The following SLC16A7 variants were observed in gnomAD, a reference collection of about 807,000 sequenced individuals.
SLC16A7 encodes the protein solute carrier family 16 member 7.
Under a neutral mutation model 34.9 loss-of-function variants are expected in SLC16A7, and 33 were observed. The ratio of observed to expected loss-of-function variants is 0.94; its 90% CI spans 0.72 to 1.26. SLC16A7 has a LOEUF of 1.26. Ranked by LOEUF, SLC16A7 falls within the 50% of genes most tolerant of loss-of-function variation. SLC16A7 has a pLI of 0.00. For missense variants in SLC16A7, 573 were observed against 578.1 expected (o/e 0.99, Z 0.09); for synonymous variants, 201 against 206.6 (o/e 0.97, Z 0.23).
intron 3 of SLC16A7, among the ~76,000 whole-genome samples, chr12:59,747,637 C>T (rs1223897442): frequency 2.0e-5 from 3 of 152,142 alleles, no homozygotes; most frequent in Non-Finnish European, 4.4e-5. Flanking sequence ...CTTTTTAAAG[C>T]AAACAATACT....
Position 59,690,258 on chromosome 12 carries a change from G to A in SLC16A7, c.-30-14514G>A, listed in dbSNP as rs140229212. Among the ~76,000 whole-genome samples, 208 of 151,990 alleles carry A rather than the reference G, an allele frequency of 1.4e-3. 1 individual carries two copies. Among genetic ancestry groups the A allele is most frequent in the Middle Eastern group, 6.8e-3 (2 of 294 alleles). ...CATGAAAATCATATTTAAAAGTTTG[G>A]GCTGACTCTCCTTTTCAGGAGGGGA... On this transcript the variant is annotated intron_variant, in intron 2 of 5. Coordinates refer to ENST00000547379, the MANE Select transcript of SLC16A7 (RefSeq NM_001270623.2).
intron 3 of SLC16A7, among the ~76,000 whole-genome samples, chr12:59,752,260 A>T (rs1026989170): frequency 6.6e-6 from 1 of 152,224 alleles, no homozygotes; most frequent in African/African-American, 2.4e-5. Context: ...ACGGAGAATG[A>T]CTTTGACGAG....
At position 59,770,705 on chromosome 12, in the gene SLC16A7, G is replaced by T. The variant is rs1882137643; in HGVS notation, c.218-514G>T. On this transcript the variant is annotated intron_variant, in intron 3 of 5. Transcript: ENST00000547379. Reference sequence around the variant, plus strand: ...ATATGATAGGATGTGAAAACAATAGGTGTCTTAGAATCAATAAATTATAGT... The same window carrying T: ...ATATGATAGGATGTGAAAACAATAGTTGTCTTAGAATCAATAAATTATAGT... Among the ~76,000 whole-genome samples the T allele has an allele frequency of 2.0e-5, 3 of 152,116 alleles. No individual in the cohort carries two copies. In the South Asian group the frequency reaches 6.2e-4, roughly 32 times the overall value.
At position 59,659,886 on chromosome 12, in the gene SLC16A7, C is replaced by G. The variant is rs77639064; in HGVS notation, c.-31+4636C>G. On this transcript the variant is annotated intron_variant, in intron 2 of 5. Transcript: ENST00000547379. ...TTCAGCAATCAGATGTGGAATGGAT[C>G]GAAGTGTTATTTTAACAGCAGTGTC... is the stretch of plus-strand genomic sequence containing the variant. Among the ~76,000 whole-genome samples the G allele has an allele frequency of 8.3e-3, 1,259 of 152,062 alleles. 15 individuals carry two copies. The highest frequency in any genetic ancestry group is 0.029 in the African/African-American group (1,211 of 41,500).
At chr12:59,656,714 T>G in intron 2 of SLC16A7, among the ~76,000 whole-genome samples, 1 of 151,956 alleles carries the variant, frequency 6.6e-6, no homozygotes, top group East Asian at 1.9e-4. Context: ...GAAACAGCGG[T>G]TTATGCCAAG....
intron 2 of SLC16A7, among the ~76,000 whole-genome samples, chr12:59,677,982 G>C (rs867956018): frequency 2.0e-5 from 3 of 152,176 alleles, no homozygotes; most frequent in Non-Finnish European, 4.4e-5. Flanking sequence ...GCCCTGGCAG[G>C]CTGCACTTGG....
intron 3 of SLC16A7, among the ~76,000 whole-genome samples, chr12:59,740,770 T>G (rs1878226770): frequency 6.6e-6 from 1 of 152,106 alleles, no homozygotes; most frequent in Non-Finnish European, 1.5e-5. Flanking sequence ...GAAATCAAAT[T>G]GTCCCTGTTT....
intron 1 of SLC16A7, among the ~76,000 whole-genome samples, chr12:59,614,324 A>C (rs2136971647): frequency 6.6e-6 from 1 of 152,254 alleles, no homozygotes; most frequent in East Asian, 1.9e-4. Flanking sequence ...GGCATGAGCC[A>C]CTGTGCCTGG....
At chr12:59,599,343 G>T (rs1337784982) in intron 1 of SLC16A7, among the ~76,000 whole-genome samples, 2 of 152,018 alleles carry the variant, frequency 1.3e-5, no homozygotes, top group Admixed American at 1.3e-4. Flanking sequence ...CTCTTTTGAG[G>T]ATTCCTTTTC....
chr12:59,683,635 A>G (rs979804580), intron 2 of SLC16A7, among the ~76,000 whole-genome samples: 4 of 152,226 alleles, frequency 2.6e-5, no homozygotes, highest in Admixed American at 2.6e-4. Context: ...GAAAATATCT[A>G]GGAAGTAGCA....
chr12:59,663,770 A>C (rs1305750313), intron 2 of SLC16A7, among the ~76,000 whole-genome samples: 1 of 152,132 alleles, frequency 6.6e-6, no homozygotes, highest in Admixed American at 6.6e-5. Context: ...AATGAAAGAA[A>C]CATACCACAT....
chr12:59,758,096 C>A (rs1880597144), intron 3 of SLC16A7, among the ~76,000 whole-genome samples: 1 of 151,866 alleles, frequency 6.6e-6, no homozygotes, highest in Admixed American at 6.6e-5. Context: ...ATCCTCCATG[C>A]ATTCAAAACT....
chr12:59,613,484 A>G (rs138716909), intron 1 of SLC16A7, among the ~76,000 whole-genome samples: 12 of 152,342 alleles, frequency 7.9e-5, no homozygotes, highest in African/African-American at 2.9e-4. Context: ...TTTTGGGGAC[A>G]TATATATTCA....
chr12:59,630,987 A>C (rs926252828), intron 1 of SLC16A7, among the ~76,000 whole-genome samples: 5 of 151,970 alleles, frequency 3.3e-5, no homozygotes, highest in Non-Finnish European at 4.4e-5. Flanking sequence ...TTATAGCTAC[A>C]TATTAACCTC....
At chr12:59,751,084 A>G (rs552693636) in intron 3 of SLC16A7, among the ~76,000 whole-genome samples, 1 of 152,178 alleles carries the variant, frequency 6.6e-6, no homozygotes, top group East Asian at 1.9e-4. Context: ...TAGGGGAGGG[A>G]CAGCATTAGA....
At chr12:59,698,617 A>G (rs1198794445) in intron 2 of SLC16A7, among the ~76,000 whole-genome samples, 1 of 151,810 alleles carries the variant, frequency 6.6e-6, no homozygotes, top group African/African-American at 2.4e-5. Context: ...GTGGACCATT[A>G]GAGGAAGGAA....
At chr12:59,675,383 C>T (rs1870223940) in intron 2 of SLC16A7, among the ~76,000 whole-genome samples, 1 of 152,100 alleles carries the variant, frequency 6.6e-6, no homozygotes, top group Non-Finnish European at 1.5e-5. Flanking sequence ...TGATCTCTCT[C>T]ACTCTTTTCT....
intron 3 of SLC16A7, among the ~76,000 whole-genome samples, chr12:59,732,196 T>A (rs1052795414): frequency 1.3e-5 from 2 of 151,932 alleles, no homozygotes; most frequent in African/African-American, 4.8e-5. Flanking sequence ...GGTGGGCAGA[T>A]CACCTGAGGT....
intron 1 of SLC16A7, among the ~76,000 whole-genome samples, chr12:59,605,173 G>C (rs549084815): frequency 6.6e-6 from 1 of 152,108 alleles, no homozygotes; most frequent in Non-Finnish European, 1.5e-5. Context: ...TAGTAGTCAG[G>C]TATAATGAGT....
Sources: gnomAD v4.1 joint callset for allele counts (sites outside exome capture counted in the v4.1 genomes callset) on GRCh38, gnomAD v4.1.1 for gene constraint, MANE v1.5 for transcripts, NCBI Gene and HGNC (gene_info 2026-07-23, HGNC 2026-07-21) for gene names.